SLC24A2: variants seen among roughly 807,000 people sequenced by gnomAD.
The protein encoded by SLC24A2 is solute carrier family 24 member 2.
SLC24A2 carries 36 observed loss-of-function variants against 62.0 expected under a neutral mutation model. The ratio of observed to expected loss-of-function variants is 0.58; its 90% CI spans 0.44 to 0.77. The LOEUF (loss-of-function observed/expected upper bound fraction) is 0.77. SLC24A2 is among the 30% of genes least tolerant of loss of function. SLC24A2 has a pLI of 0.00. For synonymous variants in SLC24A2, 358 were observed against 294.0 expected, an observed-to-expected ratio of 1.22 and a Z score of -2.23; for missense variants, 846 against 817.9, an observed-to-expected ratio of 1.03 and a Z score of -0.42.
At chr9:20,041,718 G>A in the SLC24A2 span, among the ~76,000 whole-genome samples, 40 of 152,210 alleles carry the variant, frequency 2.6e-4, no homozygotes, top group African/African-American at 9.4e-4. Context: ...AGGAAAGATG[G>A]GCAGGGCTCA....
the SLC24A2 span, among the ~76,000 whole-genome samples, chr9:20,209,539 T>G: frequency 6.6e-6 from 1 of 152,298 alleles, no homozygotes; most frequent in Non-Finnish European, 1.5e-5. Context: ...GTTTTGAGAA[T>G]AGCAGTTCTC....
chr9:20,085,707 G>A, the SLC24A2 span, among the ~76,000 whole-genome samples: 1 of 152,154 alleles, frequency 6.6e-6, no homozygotes, highest in Non-Finnish European at 1.5e-5. Context: ...GTATTTGAAT[G>A]CTAACTATGC....
the SLC24A2 span, chr9:19,895,895 G>T: frequency 2.5e-6 from 4 of 1,613,338 alleles, no homozygotes; most frequent in Non-Finnish European, 2.5e-6. Context: ...GTGATGCGCC[G>T]GGCAGGGTCA....
chr9:20,194,697 T>G, the SLC24A2 span, among the ~76,000 whole-genome samples: 303 of 152,314 alleles, frequency 2.0e-3, 2 homozygotes, highest in African/African-American at 7.0e-3. Context: ...TGTCTATCCC[T>G]GTCTCTCACA....
intron 7 of SLC24A2, among the ~76,000 whole-genome samples, chr9:19,566,280 C>A (rs929809369): frequency 5.4e-5 from 8 of 149,496 alleles, no homozygotes; most frequent in Non-Finnish European, 1.2e-4. Context: ...AAAAAAACAA[C>A]CCCATCAAAA....
intron 8 of SLC24A2, among the ~76,000 whole-genome samples, chr9:19,548,883 G>A (rs1055912750): frequency 1.3e-5 from 2 of 152,210 alleles, no homozygotes; most frequent in African/African-American, 4.8e-5. Context: ...AGACTCTCAC[G>A]AGGAACATTT....
intron 2 of SLC24A2, among the ~76,000 whole-genome samples, chr9:19,728,565 T>C (rs1170095477): frequency 6.6e-6 from 1 of 152,140 alleles, no homozygotes; most frequent in Non-Finnish European, 1.5e-5. Flanking sequence ...ACACCTGTAG[T>C]GATTATAGAA....
At position 19,512,387 on chromosome 9, in the gene SLC24A2, G is replaced by C. The variant is rs1232421894; in HGVS notation, c.*3766C>G. The C allele has an allele frequency of 2.0e-5, 3 of 152,188 alleles. No individual in the cohort carries two copies. In the South Asian group the frequency reaches 6.2e-4, roughly 32 times the overall value. 9.4% of individuals were successfully genotyped at this position (152,188 alleles called of 1,614,324 possible). ...CTCTTTTTATAATCTTCTGGGCAAG[G>C]CTTTAGGACATTCTGCTGCATCTGC... On this transcript the variant is annotated 3_prime_UTR_variant, in exon 11 of 11. Transcript: ENST00000341998.
chr9:19,525,768 T>A (rs1394956429), intron 9 of SLC24A2, among the ~76,000 whole-genome samples: 5 of 131,804 alleles, frequency 3.8e-5, no homozygotes, highest in Non-Finnish European at 7.7e-5. Context: ...TGCTACTGTT[T>A]TTTTTTTTTT....
the SLC24A2 span, among the ~76,000 whole-genome samples, chr9:20,166,157 C>A: frequency 6.6e-6 from 1 of 151,926 alleles, no homozygotes; most frequent in Non-Finnish European, 1.5e-5. Flanking sequence ...GGGAAACAAG[C>A]ACACTCACAT....
chr9:20,158,705 A>C, the SLC24A2 span, among the ~76,000 whole-genome samples: 1 of 151,808 alleles, frequency 6.6e-6, no homozygotes, highest in East Asian at 1.9e-4. Context: ...GAAAAGAAGG[A>C]AGTAAAAGTG....
At chr9:19,518,589 T>A (rs919748604) in intron 10 of SLC24A2, among the ~76,000 whole-genome samples, 1 of 152,048 alleles carries the variant, frequency 6.6e-6, no homozygotes, top group Non-Finnish European at 1.5e-5. Flanking sequence ...TCGTAGATAA[T>A]TTTTGTATTT....
At chr9:19,751,398 G>T (rs1430008011) in intron 2 of SLC24A2, among the ~76,000 whole-genome samples, 1 of 152,142 alleles carries the variant, frequency 6.6e-6, no homozygotes, top group Non-Finnish European at 1.5e-5. Flanking sequence ...AAGCACCTGA[G>T]AATATTTTTT....
chr9:20,257,049 A>G, the SLC24A2 span, among the ~76,000 whole-genome samples: 1 of 152,162 alleles, frequency 6.6e-6, no homozygotes, highest in African/African-American at 2.4e-5. Flanking sequence ...TAATCATTTC[A>G]GAGAATCAGA....
chr9:20,275,632 G>A, the SLC24A2 span, among the ~76,000 whole-genome samples: 1 of 152,198 alleles, frequency 6.6e-6, no homozygotes, highest in African/African-American at 2.4e-5. Context: ...TTACTCCAAT[G>A]ATATGTTGAT....
the SLC24A2 span, among the ~76,000 whole-genome samples, chr9:20,066,437 A>C: frequency 6.6e-6 from 1 of 152,324 alleles, no homozygotes; most frequent in Non-Finnish European, 1.5e-5. Flanking sequence ...ACGGGAAATT[A>C]AGAAGTTGGC....
At chr9:20,226,639 C>A in the SLC24A2 span, among the ~76,000 whole-genome samples, 1 of 151,970 alleles carries the variant, frequency 6.6e-6, no homozygotes, top group Non-Finnish European at 1.5e-5. Context: ...ATAATATAGA[C>A]CTGACATGAA....
At chr9:19,689,385 C>T (rs1174622683) in intron 2 of SLC24A2, among the ~76,000 whole-genome samples, 1 of 152,118 alleles carries the variant, frequency 6.6e-6, no homozygotes, top group Non-Finnish European at 1.5e-5. Context: ...ATTGATACAG[C>T]TCCTATGATT....
At chr9:20,207,554 T>C in the SLC24A2 span, among the ~76,000 whole-genome samples, 1 of 152,238 alleles carries the variant, frequency 6.6e-6, no homozygotes, top group Non-Finnish European at 1.5e-5. Context: ...CTGCAACAAT[T>C]TGTCTATAAT....
Sources: allele counts gnomAD v4.1 joint callset (sites outside exome capture counted in the v4.1 genomes callset), GRCh38; gene constraint gnomAD v4.1.1; transcripts MANE v1.5; gene names NCBI Gene and HGNC (gene_info 2026-07-23, HGNC 2026-07-21).